Variants in VARS1 observed in about 807,000 individuals in gnomAD.
VARS1 encodes valyl-tRNA synthetase 1.
A neutral mutation model predicts 161.0 loss-of-function variants in VARS1; 92 were observed. The observed-to-expected ratio is 0.57, with a 90% CI of 0.48 to 0.68. The LOEUF (loss-of-function observed/expected upper bound fraction) is 0.68, where lower values mean the gene tolerates loss of function less well. Ranked by LOEUF, VARS1 falls within the 30% of genes least tolerant of loss-of-function variation. The pLI is 0.00. For missense variants in VARS1, 1,338 were observed against 1,695.9 expected, an observed-to-expected ratio of 0.79 and a Z score of 3.71; for synonymous variants, 595 against 682.5, an observed-to-expected ratio of 0.87 and a Z score of 2.00.
chr6:31,792,454 C>T lies in VARS1; in HGVS notation c.724G>A (p.Glu242Lys). The T allele has an allele frequency of 3.1e-6, 5 of 1,614,014 alleles. No individual in the cohort carries two copies. The highest frequency in any genetic ancestry group is 4.2e-6 in the Non-Finnish European group (5 of 1,179,996). ...AQLKKEAKKREKLEKFQQKQK... is the reference protein window; with the variant it reads ...AQLKKEAKKRKKLEKFQQKQK... Reference sequence around the variant, plus strand: ...TTCTGTTGGAATTTCTCTAGCTTCTCCCGTTTCTTTGCCTCTTTCTTGAGC... The same window carrying T: ...TTCTGTTGGAATTTCTCTAGCTTCTTCCGTTTCTTTGCCTCTTTCTTGAGC... Residue 242 changes from glutamate to lysine, a missense_variant, in exon 5 of 30, where the codon GAG becomes AAG. Glu to Lys is a moderately conservative substitution (Grantham distance 56). Coordinates refer to ENST00000375663, the MANE Select transcript of VARS1 (RefSeq NM_006295.3).
chr6:31,786,993 A>AG (rs1356466774), intron 8 of VARS1, among the ~76,000 whole-genome samples: 10 of 149,720 alleles, frequency 6.7e-5, no homozygotes, highest in East Asian at 2.0e-4. Context: ...TGGGAGGCCA[A>AG]GGTGAGAGGA....
chr6:31,779,411 G>A lies in VARS1; in HGVS notation c.3400+14C>T. ...GACAGTGGGATGGGGCGGACATGGG[G>A]GCCTGAGGCTCACAGTCAGGCCGGA... On this transcript the variant is annotated intron_variant, in intron 28 of 29. Coordinates refer to ENST00000375663, the MANE Select transcript of VARS1 (RefSeq NM_006295.3). The surrounding 1 kb of genome is among the most constrained non-coding windows in gnomAD (Gnocchi z 9.1). 1 of 1,610,102 alleles carries A rather than the reference G, an allele frequency of 6.2e-7. No individual in the cohort carries two copies. Among genetic ancestry groups the A allele is most frequent in the Non-Finnish European group, 8.5e-7 (1 of 1,179,880 alleles).
At position 31,777,727 on chromosome 6, in the gene VARS1, G is replaced by A. The variant is rs1414789999; in HGVS notation, c.3727-65C>T. 1 of 1,563,644 alleles carries A rather than the reference G, an allele frequency of 6.4e-7. No individual in the cohort carries two copies. Among genetic ancestry groups the A allele is most frequent in the Middle Eastern group, 1.7e-4 (1 of 6,016 alleles). On this transcript the variant is annotated intron_variant, in intron 29 of 29. Coordinates refer to ENST00000375663, the MANE Select transcript of VARS1 (RefSeq NM_006295.3). This position sits in a 1 kb window ranked among gnomAD's most constrained non-coding sequence, Gnocchi z 5.8. ...AGTGAAGAGACCCCCAAACACCCAG[G>A]ACAACAAAGTTGGAAAGATGAGCGA...
chr6:31,795,269 A>T lies in VARS1; in HGVS notation c.-33-19T>A, dbSNP rs1020280582. 15 of 1,366,644 alleles carry T rather than the reference A, an allele frequency of 1.1e-5. No homozygotes were observed. Among genetic ancestry groups the T allele is most frequent in the Non-Finnish European group, 1.3e-5 (14 of 1,056,634 alleles). 84.7% of individuals were successfully genotyped at this position (1,366,644 alleles called of 1,614,324 possible). ...GAAAAACCTAAGGAGAAAGAGAGAC[A>T]GGGGAAGACTGCGGGATCGAGGTGG... is the stretch of plus-strand genomic sequence containing the variant. On this transcript the variant is annotated intron_variant, in intron 1 of 29. Coordinates refer to ENST00000375663, the MANE Select transcript of VARS1 (RefSeq NM_006295.3). The surrounding 1 kb of genome is among the most constrained non-coding windows in gnomAD (Gnocchi z 6.9).
At position 31,777,572 on chromosome 6, in the gene VARS1, A is replaced by AG. The variant is rs1460499145; in HGVS notation, c.*21dup. 6.2e-7 allele frequency: 1 copy of AG among 1,613,906 alleles called. No individual in the cohort carries two copies. Among genetic ancestry groups the AG allele is most frequent in the South Asian group, 1.1e-5 (1 of 91,066 alleles). The stretch of plus-strand genomic sequence containing the variant: ...TCCCCATGGTGAGCCGCTGGGGGTG[A>AG]GGGGTGAAGCTGGGTGGTGGATCAC... On this transcript the variant is annotated 3_prime_UTR_variant, in exon 30 of 30. Transcript: ENST00000375663. The surrounding 1 kb of genome is among the most constrained non-coding windows in gnomAD (Gnocchi z 5.8).
rs969295418 is a variant in VARS1, at chr6:31,792,786, G to C, written c.632C>G (p.Ser211Ter). Residue 211 changes from serine to a stop codon, truncating the protein, a stop_gained, in exon 4 of 30, where the codon TCA (serine) becomes TGA (stop). Coordinates refer to ENST00000375663, the MANE Select transcript of VARS1 (RefSeq NM_006295.3). LOFTEE classifies it high-confidence loss of function. ...CTGATGAGAGAGAGGCCTGGCTCCT[G>C]AGTATAGAACCACTTCTCCTAGCAC... ...RAVLGEVVLYSGARPLSHQPG... is the reference protein window; with the variant it reads ...RAVLGEVVLY 1 of 1,614,062 alleles carries C rather than the reference G, an allele frequency of 6.2e-7. No individual in the cohort carries two copies. Among genetic ancestry groups the C allele is most frequent in the African/African-American group, 1.3e-5 (1 of 74,924 alleles).
chr6:31,792,415 G>T lies in VARS1; in HGVS notation c.763C>A (p.Gln255Lys). Reference sequence around the variant, plus strand: ...ACCTCCCCTGGAGGTGGCTGCTGCTGTTGGATCTTCTGCTTCTGTTGGAAT... The same window carrying T: ...ACCTCCCCTGGAGGTGGCTGCTGCTTTTGGATCTTCTGCTTCTGTTGGAAT... ...EKFQQKQKIQ[Q>K]QQPPPGEKKP... Residue 255 changes from glutamine (Q) to lysine (K), a missense_variant, in exon 5 of 30, where the codon CAG (glutamine) becomes AAG (lysine). Gln to Lys is a moderately conservative substitution (Grantham distance 53). This residue lies in a region of VARS1 where 902 missense variants were observed against 1,090.3 expected (regional missense o/e 0.83). Transcript: ENST00000375663. 2.5e-6 allele frequency: 4 copies of T among 1,614,010 alleles called. No homozygotes were observed. The highest frequency in any genetic ancestry group is 3.4e-6 in the Non-Finnish European group (4 of 1,180,016).
chr6:31,782,750 C>A lies in VARS1; in HGVS notation c.1858G>T (p.Ala620Ser). ...EAISIMDSRG[A>S]LINVPPPFLG... ...AAAGGCGGAGGCACATTGATGAGGG[C>A]CCCCCGGGAGTCCATGATGCTGATG... The change falls in exon 15 of 30, where the codon GCC becomes TCC. Residue 620 changes from alanine to serine, a missense_variant. By Grantham distance (99) the Ala-to-Ser change is moderately conservative. Around this residue, in one of 3 missense-constraint regions of VARS1, gnomAD observed 902 missense variants for 1,090.3 expected, o/e 0.83. Coordinates refer to ENST00000375663, the MANE Select transcript of VARS1 (RefSeq NM_006295.3). The surrounding 1 kb of genome is among the most constrained non-coding windows in gnomAD (Gnocchi z 8.3). The A allele has an allele frequency of 6.2e-7, 1 of 1,612,718 alleles. No individual in the cohort carries two copies. The highest frequency in any genetic ancestry group is 1.1e-5 in the South Asian group (1 of 91,034).
chr6:31,792,252 G>T lies in VARS1; in HGVS notation c.836C>A (p.Thr279Asn). The change falls in exon 6 of 30, where the codon ACC becomes AAC. Residue 279 changes from threonine to asparagine, a missense_variant. Thr to Asn is a moderately conservative substitution (Grantham distance 65, BLOSUM62 0). Transcript: ENST00000375663. ...CCCGGGTGGGGTTGGGAGGTCATAG[G>T]TAATGACCCCAGGATCCCGTTTCTC... is the stretch of plus-strand genomic sequence containing the variant. Reference protein sequence around the residue: ...KREKRDPGVITYDLPTPPGEK... With the variant: ...KREKRDPGVINYDLPTPPGEK... 6.2e-7 allele frequency: 1 copy of T among 1,613,940 alleles called. No homozygotes were observed. The highest frequency in any genetic ancestry group is 8.5e-7 in the Non-Finnish European group (1 of 1,180,008).
rs1330226421 is a variant in VARS1 at position 31,777,587 on chromosome 6, T to C, written c.*7A>G. On this transcript the variant is annotated 3_prime_UTR_variant, in exon 30 of 30. Coordinates refer to ENST00000375663, the MANE Select transcript of VARS1 (RefSeq NM_006295.3). This position sits in a 1 kb window ranked among gnomAD's most constrained non-coding sequence, Gnocchi z 5.8. ...GCTGGGGGTGAGGGGTGAAGCTGGG[T>C]GGTGGATCACAGCATCTTCTGGAAT... 1.9e-6 allele frequency: 3 copies of C among 1,613,956 alleles called. No homozygotes were observed. The African/African-American group carries it at 4.0e-5, about 22-fold the overall frequency.
In VARS1 at chr6:31,782,861, G is replaced by A; in HGVS notation, c.1763-16C>T. 5 of 1,606,206 alleles carry A rather than the reference G, an allele frequency of 3.1e-6. No individual in the cohort carries two copies. The highest frequency in any genetic ancestry group is 4.2e-6 in the Non-Finnish European group (5 of 1,176,514). ...TTCACAGCACCTGGGTGTACATCAG[G>A]ATGCCCAGGTCATGAGGGACTCCAC... On this transcript the variant is annotated splice_polypyrimidine_tract_variant and intron_variant, in intron 14 of 29. Transcript: ENST00000375663. This position sits in a 1 kb window ranked among gnomAD's most constrained non-coding sequence, Gnocchi z 8.3.
At chr6:31,793,347 C>CA (rs796291599) in intron 2 of VARS1, among the ~76,000 whole-genome samples, 155 of 148,072 alleles carry the variant, frequency 1.0e-3, no homozygotes, top group African/African-American at 3.1e-3. Context: ...ACTAAAAATA[C>CA]AAAAAAAAAA....
In VARS1 at chr6:31,794,905, T is replaced by A; in HGVS notation, c.313A>T (p.Thr105Ser). Residue 105 changes from threonine (T) to serine (S), a missense_variant, in exon 2 of 30, where the codon ACG (threonine) becomes TCG (serine). Thr to Ser is a moderately conservative substitution (Grantham distance 58). Around this residue, in one of 3 missense-constraint regions of VARS1, gnomAD observed 902 missense variants for 1,090.3 expected, o/e 0.83. Transcript: ENST00000375663. ...LVQQWVSYAD[T>S]ELIPAACGAT... ...CCACAGGCAGCTGGTATTAACTCCG[T>A]GTCGGCGTAACTGACCCACTGTTGG... 4.3e-6 allele frequency: 7 copies of A among 1,612,820 alleles called. No homozygotes were observed. Among genetic ancestry groups the A allele is most frequent in the Non-Finnish European group, 5.9e-6 (7 of 1,179,930 alleles).
At chr6:31,792,068 TCATAGGACAGGCATTTGAGGG>T in intron 6 of VARS1, 97 bp from the exon 7 acceptor site, 2 of 1,462,672 alleles carry the variant, frequency 1.4e-6, no homozygotes, top group Non-Finnish European at 1.8e-6. Context: ...GTCACTCACA[TCATAGGACAGGCATTTGAGGG>T]GCCTAGAGGC....
intron 13 of VARS1, among the ~76,000 whole-genome samples, chr6:31,783,735 C>G (rs1319606675): frequency 6.7e-6 from 1 of 149,754 alleles, no homozygotes; most frequent in African/African-American, 2.5e-5. Flanking sequence ...GATCTCAGCT[C>G]ACTGCAACCT....
chr6:31,783,292 G>A (rs1813283173), intron 13 of VARS1, 106 bp from the exon 14 acceptor site: 1 of 1,206,008 alleles, frequency 8.3e-7, no homozygotes, highest in African/African-American at 1.5e-5. Flanking sequence ...ATCACTTGAG[G>A]CCGGGAGTTG....
At position 31,781,432 on chromosome 6, in the gene VARS1, G is replaced by A; in HGVS notation, c.2544+49C>T. On this transcript the variant is annotated intron_variant, in intron 21 of 29. Coordinates refer to ENST00000375663, the MANE Select transcript of VARS1 (RefSeq NM_006295.3). The surrounding 1 kb of genome is among the most constrained non-coding windows in gnomAD (Gnocchi z 6.8). ...GGGGTCTGCGCTGCAGCACAGGACG[G>A]TAGGAGAGGAGGCTGGGGGCGATGG... 6.2e-7 allele frequency: 1 copy of A among 1,601,138 alleles called. No homozygotes were observed. The highest frequency in any genetic ancestry group is 8.5e-7 in the Non-Finnish European group (1 of 1,176,106).
At chr6:31,792,688 A>G (rs1244586952) in intron 4 of VARS1, 69 bp downstream of exon 4, 32 of 1,601,206 alleles carry the variant, frequency 2.0e-5, no homozygotes, top group Non-Finnish European at 2.6e-5. Context: ...TTTCTAGGAA[A>G]AAAAGAAAGT....
chr6:31,784,118 T>G lies in VARS1; in HGVS notation c.1671+96A>C. The G allele has an allele frequency of 1.4e-6, 2 of 1,398,780 alleles. No individual in the cohort carries two copies. The highest frequency in any genetic ancestry group is 2.0e-6 in the Non-Finnish European group (2 of 1,006,148). The allele number at this position is 1,398,780 out of a possible 1,614,324, so 86.6% of individuals were successfully genotyped here. On this transcript the variant is annotated intron_variant, in intron 13 of 29. Transcript: ENST00000375663. The surrounding 1 kb of genome is among the most constrained non-coding windows in gnomAD (Gnocchi z 6.1). ...GACCAGTTTCTAACCCAGTTTCCTC[T>G]CCTCAGCCAGGGGCCTAAGTCCAAC...
Sources: gnomAD v4.1 joint callset for allele counts (sites outside exome capture counted in the v4.1 genomes callset) on GRCh38, gnomAD v4.1.1 for gene constraint, gnomAD v4.1.1 regional missense constraint, Gnocchi (gnomAD v3.1) non-coding constraint, MANE v1.5 for transcripts, NCBI Gene and HGNC (gene_info 2026-07-23, HGNC 2026-07-21) for gene names.